MYO10: variants seen among roughly 807,000 people sequenced by gnomAD.
MYO10 encodes the protein myosin X.
MYO10 carries 133 observed loss-of-function variants against 257.3 expected under a neutral mutation model. The ratio of observed to expected loss-of-function variants is 0.52; its 90% CI spans 0.45 to 0.60. MYO10 has a LOEUF of 0.60. MYO10 is among the 20% of genes least tolerant of loss of function. The pLI is 0.00. For synonymous variants in MYO10, 1,104 were observed against 1,028.6 expected (o/e 1.07, Z -1.40); for missense variants, 2,399 against 2,635.7 (o/e 0.91, Z 1.97).
intron 8 of MYO10, 48 bp downstream of exon 8, chr5:16,780,476 T>A: frequency 2.8e-6 from 4 of 1,451,204 alleles, no homozygotes; most frequent in Non-Finnish European, 3.8e-6. Context: ...TCTATTTAAA[T>A]GGAAAATGAG....
In MYO10 at chr5:16,737,392, A is replaced by G. The variant is rs945263602; in HGVS notation, c.1929+17436T>C. ...GTGGCTAGCACAGAGCAGTTACACA[A>G]TGACACAGGACGCACTGATACTAAG... On this transcript the variant is annotated intron_variant, in intron 19 of 40. Transcript: ENST00000513610. Among the ~76,000 whole-genome samples the G allele has an allele frequency of 2.6e-5, 4 of 152,312 alleles. No homozygotes were observed. In the East Asian group the frequency reaches 5.8e-4, roughly 22 times the overall value.
At chr5:16,700,681 C>G (rs1381102775) in intron 25 of MYO10, among the ~76,000 whole-genome samples, 1 of 150,114 alleles carries the variant, frequency 6.7e-6, no homozygotes, top group East Asian at 1.9e-4. Flanking sequence ...ACCTCAAAAA[C>G]AACAACAACA....
intron 35 of MYO10, among the ~76,000 whole-genome samples, chr5:16,674,234 G>A (rs546236433): frequency 5.9e-5 from 9 of 152,270 alleles, no homozygotes; most frequent in African/African-American, 1.7e-4. Flanking sequence ...TTGGGAGGCC[G>A]AGGCGGGTGG....
Position 16,934,800 on chromosome 5 carries a change from A to G in MYO10, c.21+988T>C, listed in dbSNP as rs78411653. On this transcript the variant is annotated intron_variant, in intron 1 of 40. Transcript: ENST00000513610. Reference sequence around the variant, plus strand: ...CAGAATGACTTGAAATATTATATCCAATTAAATCAGATAAACCAAGTCGGC... The same window carrying G: ...CAGAATGACTTGAAATATTATATCCGATTAAATCAGATAAACCAAGTCGGC... 1.3e-3 allele frequency among the ~76,000 whole-genome samples: 204 copies of G among 152,352 alleles called. 1 individual carries two copies. The East Asian group carries it at 0.033, about 24-fold the overall frequency.
intron 19 of MYO10, among the ~76,000 whole-genome samples, chr5:16,751,116 C>G (rs1281147471): frequency 6.6e-6 from 1 of 152,182 alleles, no homozygotes; most frequent in African/African-American, 2.4e-5. Context: ...CCAAGTCCTT[C>G]GGTGGACTGC....
chr5:16,897,095 C>CTGTAGTAGTAGT (rs1230167349), intron 1 of MYO10, among the ~76,000 whole-genome samples: 6 of 152,220 alleles, frequency 3.9e-5, no homozygotes, highest in African/African-American at 1.4e-4. Flanking sequence ...TAATCTACTA[C>CTGTAGTAGTAGT]AAAATGCTGG....
intron 19 of MYO10, among the ~76,000 whole-genome samples, chr5:16,733,066 G>A (rs1221326734): frequency 1.3e-5 from 2 of 152,168 alleles, no homozygotes; most frequent in African/African-American, 4.8e-5. Flanking sequence ...CCCGGGAAGT[G>A]GAGGTTGCAG....
rs1736042206 is a variant in MYO10 at position 16,663,328 on chromosome 5, G to GTTTGTTTTTTTTTTTTT, written c.*3363_*3364insAAAAAAAAAAAAACAAA. On this transcript the variant is annotated 3_prime_UTR_variant, in exon 41 of 41. Transcript: ENST00000513610. ...AAAAAGTAACATTTTACTTCTAGTT[G>GTTTGTTTTTTTTTTTTT]TTTTTTTTTTTTTTTTTTTTTTTTT... The GTTTGTTTTTTTTTTTTT allele has an allele frequency of 2.6e-5, 2 of 76,888 alleles. No homozygotes were observed. The highest frequency in any genetic ancestry group is 1.3e-4 in the African/African-American group (2 of 15,498). The allele number at this position is 76,888 out of a possible 1,614,324, so 4.8% of individuals were successfully genotyped here.
At chr5:16,755,987 TAAAC>T (rs1358058957) in intron 18 of MYO10, among the ~76,000 whole-genome samples, 8 of 152,204 alleles carry the variant, frequency 5.3e-5, no homozygotes, top group Non-Finnish European at 1.0e-4. Context: ...ATTAATTCCT[TAAAC>T]TAATATTAAA....
Position 16,725,256 on chromosome 5 carries a change from T to C in MYO10, c.1930-14011A>G, listed in dbSNP as rs560095510. Among the ~76,000 whole-genome samples, 6 of 151,980 alleles carry C rather than the reference T, an allele frequency of 3.9e-5. No individual in the cohort carries two copies. The East Asian group carries it at 1.2e-3, about 30-fold the overall frequency. ...CATGCATCACCATGCCTAGCTAATT[T>C]TGCTAATTTTTGTATTTCTAGTAGA... is the stretch of plus-strand genomic sequence containing the variant. On this transcript the variant is annotated intron_variant, in intron 19 of 40. Coordinates refer to ENST00000513610, the MANE Select transcript of MYO10 (RefSeq NM_012334.3).
intron 19 of MYO10, among the ~76,000 whole-genome samples, chr5:16,744,664 TG>T (rs1404600681): frequency 6.6e-6 from 1 of 151,840 alleles, no homozygotes; most frequent in Non-Finnish European, 1.5e-5. Flanking sequence ...TGGCTGGGGC[TG>T]GGGAACAGGT....
chr5:16,863,177 C>T (rs117936801), intron 2 of MYO10, among the ~76,000 whole-genome samples: 184 of 152,332 alleles, frequency 1.2e-3, no homozygotes, highest in East Asian at 0.01. Context: ...ACCCAGGGCA[C>T]AGGCCATTTG....
intron 1 of MYO10, among the ~76,000 whole-genome samples, chr5:16,904,068 A>AG (rs1398835113): frequency 6.6e-6 from 1 of 152,104 alleles, no homozygotes; most frequent in Non-Finnish European, 1.5e-5. Context: ...GGAAAGACCA[A>AG]GGCAGGGAAA....
chr5:16,663,188 G>GTATGAGTAAATGGGGATATATA lies in MYO10; in HGVS notation c.*3503_*3504insTATATATCCCCATTTACTCATA, dbSNP rs1736035946. 6.6e-6 allele frequency: 1 copy of GTATGAGTAAATGGGGATATATA among 150,872 alleles called. No homozygotes were observed. Among genetic ancestry groups the GTATGAGTAAATGGGGATATATA allele is most frequent in the African/African-American group, 2.5e-5 (1 of 40,266 alleles). The allele number at this position is 150,872 out of a possible 1,614,324, so 9.3% of individuals were successfully genotyped here. Reference sequence around the variant, plus strand: ...TAAAAATGAGGATGGGGATATATATGTATGTATGAGTAAATGATTGGACAG... The same window carrying GTATGAGTAAATGGGGATATATA: ...TAAAAATGAGGATGGGGATATATATGTATGAGTAAATGGGGATATATATATGTATGAGTAAATGATTGGACAG... On this transcript the variant is annotated 3_prime_UTR_variant, in exon 41 of 41. Coordinates refer to ENST00000513610, the MANE Select transcript of MYO10 (RefSeq NM_012334.3).
rs998745555 is a variant in MYO10 at position 16,766,003 on chromosome 5, A to G, written c.1179+77T>C. 6 of 959,652 alleles carry G rather than the reference A, an allele frequency of 6.3e-6. No homozygotes were observed. The South Asian group carries it at 8.4e-5, about 13-fold the overall frequency. 59.4% of individuals were successfully genotyped at this position (959,652 alleles called of 1,614,324 possible). A position where few individuals can be genotyped will look rare whatever the true frequency, so the allele number is the denominator to read the frequency against. ...CAGTTACAACTGTTATTATAATTAC[A>G]TATTTCAATCAAACCTATGGATCTG... On this transcript the variant is annotated intron_variant, in intron 11 of 40. Transcript: ENST00000513610.
chr5:16,798,435 G>C (rs928522176), intron 3 of MYO10, among the ~76,000 whole-genome samples: 11 of 152,062 alleles, frequency 7.2e-5, no homozygotes, highest in African/African-American at 2.4e-4. Flanking sequence ...ATTTTGTCCT[G>C]TCGGAGCACT....
chr5:16,906,313 A>G (rs1186482852), intron 1 of MYO10, among the ~76,000 whole-genome samples: 3 of 152,256 alleles, frequency 2.0e-5, no homozygotes, highest in African/African-American at 7.2e-5. Flanking sequence ...GGTCTAAAGC[A>G]CTTTTCTCAG....
intron 19 of MYO10, among the ~76,000 whole-genome samples, chr5:16,720,516 C>T (rs562601909): frequency 2.6e-4 from 39 of 152,006 alleles, no homozygotes; most frequent in African/African-American, 9.2e-4. Context: ...TGCAGTGGTG[C>T]GATCTCAGGT....
rs1553991920 is a variant in MYO10, at chr5:16,748,488, G to GCACC, written c.1929+6339_1929+6340insGGTG. On this transcript the variant is annotated intron_variant, in intron 19 of 40. Coordinates refer to ENST00000513610, the MANE Select transcript of MYO10 (RefSeq NM_012334.3). Reference sequence around the variant, plus strand: ...TCGAACTCCTGGCCTCAAGTGATCCGCGCCCCCCCGCCCCCCATCAGCCTC... The same window carrying GCACC: ...TCGAACTCCTGGCCTCAAGTGATCCGCACCCGCCCCCCCGCCCCCCATCAGCCTC... 1.5e-3 allele frequency among the ~76,000 whole-genome samples: 230 copies of GCACC among 149,914 alleles called. 1 individual carries two copies. Among genetic ancestry groups the GCACC allele is most frequent in the African/African-American group, 5.4e-3 (215 of 40,144 alleles).
Sources: allele counts gnomAD v4.1 joint callset (sites outside exome capture counted in the v4.1 genomes callset), GRCh38; gene constraint gnomAD v4.1.1; transcripts MANE v1.5; gene names NCBI Gene and HGNC (gene_info 2026-07-23, HGNC 2026-07-21).